Variants in COL4A4 observed in about 807,000 individuals in gnomAD.
COL4A4 encodes collagen alpha-4(IV) chain.
A neutral mutation model predicts 192.9 loss-of-function variants in COL4A4; 105 were observed. The observed-to-expected ratio is 0.54, with a 90% confidence interval of 0.46 to 0.64. COL4A4 has a LOEUF of 0.64. Among genes scored for constraint, COL4A4 ranks in the 30% least tolerant of loss-of-function variants. The pLI is 0.00. For missense variants in COL4A4, 1,967 were observed against 2,169.3 expected (o/e 0.91, Z 1.85); for synonymous variants, 762 against 769.9 (o/e 0.99, Z 0.17).
chr2:226,985,047 T>G, the COL4A4 span, among the ~76,000 whole-genome samples: 1 of 152,044 alleles, frequency 6.6e-6, no homozygotes, highest in African/African-American at 2.4e-5. Flanking sequence ...CTAACATAGA[T>G]CATTTTGAGT....
the COL4A4 span, among the ~76,000 whole-genome samples, chr2:226,979,533 G>A: frequency 1.3e-5 from 2 of 152,072 alleles, no homozygotes; most frequent in Non-Finnish European, 2.9e-5. Flanking sequence ...CTAGGAGCCC[G>A]TTTTACTTGG....
downstream of COL4A4, chr2:226,998,697 T>A (rs941308245): frequency 6.6e-6 from 1 of 152,192 alleles, no homozygotes; most frequent in African/African-American, 2.4e-5. Context: ...CCTCACTCAA[T>A]TCTACATAAC....
At chr2:227,053,132 G>A (rs1456361917) in intron 31 of COL4A4, among the ~76,000 whole-genome samples, 2 of 151,838 alleles carry the variant, frequency 1.3e-5, no homozygotes, top group Admixed American at 6.6e-5. Context: ...CATCACTGGC[G>A]TTAGTCCAAA....
intron 4 of COL4A4, among the ~76,000 whole-genome samples, chr2:227,135,643 A>T (rs993030175): frequency 3.4e-5 from 5 of 148,082 alleles, no homozygotes; most frequent in South Asian, 2.1e-4. Context: ...GCTGGAATCT[A>T]TTTTTTTTTT....
the COL4A4 span, among the ~76,000 whole-genome samples, chr2:226,978,387 T>C: frequency 1.4e-4 from 21 of 152,182 alleles, no homozygotes; most frequent in Non-Finnish European, 2.4e-4. Flanking sequence ...GGGAAACATG[T>C]GTGTACTGGT....
chr2:227,011,300 C>T (rs1963641926), intron 45 of COL4A4, among the ~76,000 whole-genome samples: 1 of 152,188 alleles, frequency 6.6e-6, no homozygotes, highest in South Asian at 2.1e-4. Context: ...TCTACACTGT[C>T]AACCAGAGAC....
At chr2:227,040,914 G>A (rs1426790726) in intron 37 of COL4A4, among the ~76,000 whole-genome samples, 1 of 151,998 alleles carries the variant, frequency 6.6e-6, no homozygotes. Flanking sequence ...TTGATACCAT[G>A]GATGAATGTG....
At chr2:227,107,237 T>A (rs1343341553) in intron 12 of COL4A4, among the ~76,000 whole-genome samples, 2 of 152,180 alleles carry the variant, frequency 1.3e-5, no homozygotes, top group Non-Finnish European at 2.9e-5. Context: ...TGGCAATGTT[T>A]TGATACATTT....
chr2:227,109,534 G>T (rs1257459599), intron 9 of COL4A4: 3 of 652,320 alleles, frequency 4.6e-6, no homozygotes, highest in Non-Finnish European at 8.5e-6. Context: ...AGATCACGAG[G>T]TCAGGAGATC....
intron 1 of COL4A4, among the ~76,000 whole-genome samples, chr2:227,157,989 C>T (rs2064489811): frequency 6.6e-6 from 1 of 152,032 alleles, no homozygotes; most frequent in Non-Finnish European, 1.5e-5. Context: ...TGAATATAAA[C>T]ATGACTCTCC....
At position 227,012,238 on chromosome 2, in the gene COL4A4, G is replaced by C. The variant is rs1263044125; in HGVS notation, c.4276C>G (p.Pro1426Ala). 3.1e-6 allele frequency: 5 copies of C among 1,613,960 alleles called. No individual in the cohort carries two copies. In the East Asian group the frequency reaches 1.1e-4, roughly 36 times the overall value. Reference sequence around the variant, plus strand: ...TCACCTTTACGTCCGGGAGGCCCAGGAGACCCAGGGACGCCATCCACACCC... The same window carrying C: ...TCACCTTTACGTCCGGGAGGCCCAGCAGACCCAGGGACGCCATCCACACCC... ...RRGVDGVPGS[P>A]GPPGRKGDTG... Residue 1426 changes from proline to alanine, a missense_variant, in exon 45 of 48, where the codon CCT becomes GCT. Transcript: ENST00000396625.
intron 22 of COL4A4, among the ~76,000 whole-genome samples, chr2:227,085,937 A>G (rs1470801653): frequency 6.6e-6 from 1 of 152,344 alleles, no homozygotes; most frequent in East Asian, 1.9e-4. Flanking sequence ...TACCTTATAC[A>G]GTGTGCAAAA....
intron 4 of COL4A4, among the ~76,000 whole-genome samples, chr2:227,139,292 A>G (rs1432180832): frequency 6.6e-6 from 1 of 152,226 alleles, no homozygotes; most frequent in East Asian, 1.9e-4. Flanking sequence ...GCGAGAATGG[A>G]TGAGGACACA....
At chr2:227,072,746 T>C (rs530722010) in intron 25 of COL4A4, among the ~76,000 whole-genome samples, 11 of 152,158 alleles carry the variant, frequency 7.2e-5, no homozygotes, top group Admixed American at 4.6e-4. Flanking sequence ...GATGGTTTAA[T>C]ATATGCAAGT....
At chr2:226,973,117 G>A in the COL4A4 span, among the ~76,000 whole-genome samples, 1 of 152,088 alleles carries the variant, frequency 6.6e-6, no homozygotes, top group African/African-American at 2.4e-5. Context: ...TCAGCCTCGG[G>A]GTTCTTGTTC....
intron 4 of COL4A4, among the ~76,000 whole-genome samples, chr2:227,129,523 C>T (rs1293899047): frequency 1.3e-5 from 2 of 152,020 alleles, no homozygotes; most frequent in African/African-American, 2.4e-5. Flanking sequence ...ATTCTCCTGC[C>T]TCAGCCTCCC....
chr2:227,075,745 G>A (rs974865704), intron 25 of COL4A4, among the ~76,000 whole-genome samples: 1 of 152,058 alleles, frequency 6.6e-6, no homozygotes. Flanking sequence ...AAATCCCATC[G>A]TCTCAGCCCA....
chr2:227,097,020 C>T (rs2060239909), intron 19 of COL4A4, among the ~76,000 whole-genome samples: 1 of 152,124 alleles, frequency 6.6e-6, no homozygotes, highest in East Asian at 1.9e-4. Flanking sequence ...AGATACACTC[C>T]TGTGCTTAGA....
Position 227,057,394 on chromosome 2 carries a change from G to C in COL4A4, c.2545+45C>G, listed in dbSNP as rs79217682. The C allele has an allele frequency of 1.1e-3, 1,686 of 1,560,116 alleles. 18 individuals carry two copies. In the African/African-American group the frequency reaches 0.02, roughly 19 times the overall value. The stretch of plus-strand genomic sequence containing the variant: ...GAGTAAAAGGGGAGCTTATTTAATT[G>C]TAAGTAGGGTAAGCCCCAGACCCTT... On this transcript the variant is annotated intron_variant, in intron 29 of 47. Coordinates refer to ENST00000396625, the MANE Select transcript of COL4A4 (RefSeq NM_000092.5).
Sources: allele counts gnomAD v4.1 joint callset (sites outside exome capture counted in the v4.1 genomes callset), GRCh38; gene constraint gnomAD v4.1.1; transcripts MANE v1.5; gene names NCBI Gene and HGNC (gene_info 2026-07-23, HGNC 2026-07-21).